Variants in SNX29 observed in about 807,000 individuals in gnomAD.
SNX29 encodes sorting nexin-29.
A neutral mutation model predicts 102.1 loss-of-function variants in SNX29; 78 were observed. That is an observed-to-expected ratio of 0.76 (90% CI 0.64 to 0.92). SNX29 has a LOEUF of 0.92. Among genes scored for constraint, SNX29 ranks in the 40% least tolerant of loss-of-function variants. The pLI is 0.00. For synonymous variants in SNX29, 580 were observed against 414.5 expected, an observed-to-expected ratio of 1.40 and a Z score of -4.85; for missense variants, 1,280 against 1,061.7, an observed-to-expected ratio of 1.21 and a Z score of -2.86.
At chr16:12,219,508 A>G (rs1056286571) in intron 14 of SNX29, among the ~76,000 whole-genome samples, 2 of 152,234 alleles carry the variant, frequency 1.3e-5, no homozygotes, top group African/African-American at 2.4e-5. Flanking sequence ...TGCTAATGAC[A>G]TACAACCTGT....
At chr16:12,558,899 G>C (rs760515182) in intron 20 of SNX29, among the ~76,000 whole-genome samples, 1 of 152,216 alleles carries the variant, frequency 6.6e-6, no homozygotes, top group Non-Finnish European at 1.5e-5. Flanking sequence ...TTGCTTCAGG[G>C]CCTGAAAGCA....
At chr16:12,173,451 CAG>C (rs898935648) in intron 13 of SNX29, among the ~76,000 whole-genome samples, 7 of 152,186 alleles carry the variant, frequency 4.6e-5, no homozygotes, top group African/African-American at 7.2e-5. Context: ...TTACAAAAAA[CAG>C]ATGCTGGCTG....
At chr16:12,488,927 TTGAA>T (rs2088393917) in intron 19 of SNX29, among the ~76,000 whole-genome samples, 1 of 152,136 alleles carries the variant, frequency 6.6e-6, no homozygotes, top group Admixed American at 6.6e-5. Flanking sequence ...GGTTTTGTGA[TTGAA>T]TGAATTATAA....
rs551302217 is a variant in SNX29 at position 12,539,553 on chromosome 16, G to C, written c.2318+14712G>C. On this transcript the variant is annotated intron_variant, in intron 20 of 20. Transcript: ENST00000566228. ...GAATAGAGCTAGTGGAAACATTCAA[G>C]TGCAGCTTTTTGTGTGAACAAAAGT... Among the ~76,000 whole-genome samples the C allele has an allele frequency of 4.6e-5, 7 of 152,344 alleles. 1 individual carries two copies. The highest frequency in any genetic ancestry group is 7.2e-5 in the African/African-American group (3 of 41,584).
chr16:12,201,663 G>C (rs2076918116), intron 14 of SNX29, among the ~76,000 whole-genome samples: 2 of 152,194 alleles, frequency 1.3e-5, no homozygotes, highest in African/African-American at 4.8e-5. Flanking sequence ...AGTTACTCCA[G>C]TGGACTTAGG....
intron 14 of SNX29, among the ~76,000 whole-genome samples, chr16:12,215,925 A>G (rs556745896): frequency 6.0e-4 from 92 of 152,220 alleles, no homozygotes; most frequent in African/African-American, 2.2e-3. Context: ...CTGCTGGCCC[A>G]TCAGGAGTGG....
chr16:12,041,355 G>T (rs942276240), intron 4 of SNX29, among the ~76,000 whole-genome samples: 2 of 152,148 alleles, frequency 1.3e-5, no homozygotes, highest in Admixed American at 6.6e-5. Flanking sequence ...CAGATGATCC[G>T]CTCGCATCGG....
At chr16:12,486,992 A>G (rs1271960362) in intron 19 of SNX29, among the ~76,000 whole-genome samples, 1 of 152,174 alleles carries the variant, frequency 6.6e-6, no homozygotes, top group African/African-American at 2.4e-5. Flanking sequence ...GAGTCAAAGA[A>G]AAAGAAAAAG....
intron 18 of SNX29, among the ~76,000 whole-genome samples, chr16:12,475,867 A>G (rs566517152): frequency 6.6e-6 from 1 of 152,350 alleles, no homozygotes; most frequent in South Asian, 2.1e-4. Flanking sequence ...AAACAAATGA[A>G]TGTGGCTGAA....
intron 20 of SNX29, among the ~76,000 whole-genome samples, chr16:12,555,933 C>G (rs2078314186): frequency 6.6e-6 from 1 of 152,176 alleles, no homozygotes; most frequent in African/African-American, 2.4e-5. Context: ...GGTGTCAGGT[C>G]TGTTTACATC....
intron 20 of SNX29, among the ~76,000 whole-genome samples, chr16:12,562,208 C>G (rs569550907): frequency 1.8e-4 from 27 of 152,228 alleles, no homozygotes; most frequent in African/African-American, 5.5e-4. Flanking sequence ...GGAGTGAACC[C>G]TGCTGGAGGT....
intron 15 of SNX29, among the ~76,000 whole-genome samples, chr16:12,289,504 C>G (rs1484082731): frequency 1.3e-5 from 2 of 152,184 alleles, no homozygotes; most frequent in African/African-American, 4.8e-5. Flanking sequence ...TCACCACCCT[C>G]TCCGGTGGTG....
At chr16:12,453,794 A>C (rs780752176) in intron 18 of SNX29, among the ~76,000 whole-genome samples, 1 of 152,024 alleles carries the variant, frequency 6.6e-6, no homozygotes, top group Non-Finnish European at 1.5e-5. Context: ...TTTCAGCTGT[A>C]TTTGTTTGAG....
At chr16:12,130,474 CAAA>C (rs71139578) in intron 13 of SNX29, among the ~76,000 whole-genome samples, 3 of 56,138 alleles carry the variant, frequency 5.3e-5, no homozygotes, top group South Asian at 8.9e-4. Flanking sequence ...GACTCCGTCT[CAAA>C]AAAAAAAAAA....
In SNX29 at chr16:12,062,464, G is replaced by A. The variant is rs772374891; in HGVS notation, c.1243+818G>A. ...AAGCATTTTTGCACCATTCCACACG[G>A]TTGAGCACGTGCCCGTGTGGTTTGT... On this transcript the variant is annotated intron_variant, in intron 9 of 20. Transcript: ENST00000566228. Among the ~76,000 whole-genome samples, 74 of 151,998 alleles carry A rather than the reference G, an allele frequency of 4.9e-4. 3 individuals are homozygous for A. The highest frequency in any genetic ancestry group is 4.7e-4 in the Non-Finnish European group (32 of 68,006).
intron 13 of SNX29, among the ~76,000 whole-genome samples, chr16:12,190,662 C>A (rs1459270986): frequency 1.3e-5 from 2 of 152,056 alleles, no homozygotes; most frequent in Non-Finnish European, 2.9e-5. Context: ...CTGGTATGGG[C>A]AACAGGGAAG....
intron 18 of SNX29, among the ~76,000 whole-genome samples, chr16:12,450,894 G>C (rs1424833815): frequency 6.6e-6 from 1 of 152,108 alleles, no homozygotes; most frequent in Non-Finnish European, 1.5e-5. Context: ...GAACACATGA[G>C]GAGGTAGAAG....
intron 20 of SNX29, among the ~76,000 whole-genome samples, chr16:12,562,769 G>A (rs865794917): frequency 6.6e-6 from 1 of 152,108 alleles, no homozygotes; most frequent in Non-Finnish European, 1.5e-5. Flanking sequence ...ACAAAGGCTT[G>A]GAGTCCTTTA....
chr16:11,996,111 C>T (rs1028487991), intron 1 of SNX29, among the ~76,000 whole-genome samples: 11 of 151,232 alleles, frequency 7.3e-5, no homozygotes, highest in African/African-American at 1.9e-4. Flanking sequence ...TGAACCAGAA[C>T]CTCCCTTTTG....
Sources: allele counts gnomAD v4.1 joint callset (sites outside exome capture counted in the v4.1 genomes callset), GRCh38; gene constraint gnomAD v4.1.1; transcripts MANE v1.5; gene names NCBI Gene and HGNC (gene_info 2026-07-23, HGNC 2026-07-21).